The following CAMK2D variants were observed in gnomAD, a reference collection of about 807,000 sequenced individuals.
CAMK2D encodes calcium/calmodulin dependent protein kinase II delta, also known as calcium/calmodulin-dependent protein kinase type II subunit delta.
In CAMK2D, 37 loss-of-function variants were observed where a neutral mutation model predicts 84.0. The ratio of observed to expected loss-of-function variants is 0.44; its 90% CI spans 0.34 to 0.58. The LOEUF is 0.58. Among genes scored for constraint, CAMK2D ranks in the 20% least tolerant of loss-of-function variants. CAMK2D has a pLI of 0.02. For missense variants in CAMK2D, 448 were observed against 652.5 expected (o/e 0.69, Z 3.41); for synonymous variants, 202 against 212.5 (o/e 0.95, Z 0.43).
At chr4:113,494,807 G>A (rs1387387840) in intron 16 of CAMK2D, among the ~76,000 whole-genome samples, 3 of 152,210 alleles carry the variant, frequency 2.0e-5, no homozygotes, top group Non-Finnish European at 4.4e-5. Flanking sequence ...GTGGGCGTAG[G>A]ACCCTCCGAG....
At chr4:113,701,113 G>A (rs1393136305) in intron 2 of CAMK2D, among the ~76,000 whole-genome samples, 4 of 151,968 alleles carry the variant, frequency 2.6e-5, no homozygotes, top group Admixed American at 6.6e-5. Context: ...GTCTTTACTA[G>A]ATTAATTCTT....
chr4:113,571,403 G>T (rs1380769473), intron 4 of CAMK2D, among the ~76,000 whole-genome samples: 1 of 152,144 alleles, frequency 6.6e-6, no homozygotes, highest in East Asian at 1.9e-4. Context: ...CAACAGATGT[G>T]TGGATAAAGA....
chr4:113,477,197 C>T (rs927266463), intron 16 of CAMK2D, among the ~76,000 whole-genome samples: 3 of 152,122 alleles, frequency 2.0e-5, no homozygotes, highest in Admixed American at 6.6e-5. Context: ...CTTCCAATGT[C>T]GTCATGCATT....
At chr4:113,589,695 T>C (rs970870989) in intron 4 of CAMK2D, among the ~76,000 whole-genome samples, 2 of 152,116 alleles carry the variant, frequency 1.3e-5, no homozygotes, top group African/African-American at 4.8e-5. Context: ...CAATTAGACA[T>C]GCAAGTAGAG....
chr4:113,465,896 T>C (rs1005218460), intron 16 of CAMK2D, among the ~76,000 whole-genome samples: 1 of 152,158 alleles, frequency 6.6e-6, no homozygotes, highest in African/African-American at 2.4e-5. Context: ...CACTGCTATT[T>C]TCCATTTGTT....
At chr4:113,608,523 C>T (rs986821612) in intron 4 of CAMK2D, among the ~76,000 whole-genome samples, 2 of 152,082 alleles carry the variant, frequency 1.3e-5, no homozygotes, top group African/African-American at 4.8e-5. Flanking sequence ...GGACTTTGTT[C>T]TGAGGAGTAA....
chr4:113,606,338 C>T (rs1240464970), intron 4 of CAMK2D, among the ~76,000 whole-genome samples: 1 of 151,746 alleles, frequency 6.6e-6, no homozygotes, highest in Non-Finnish European at 1.5e-5. Context: ...GGCATGGTGG[C>T]GCGCGCCTGT....
intron 4 of CAMK2D, among the ~76,000 whole-genome samples, chr4:113,579,612 C>G (rs896432012): frequency 6.6e-6 from 1 of 152,186 alleles, no homozygotes; most frequent in African/African-American, 2.4e-5. Context: ...ACTGCCTGCT[C>G]TCCCTTCACC....
Position 113,537,432 on chromosome 4 carries a change from C to T in CAMK2D, c.426G>A (p.Leu142=), listed in dbSNP as rs2098500980. The T allele has an allele frequency of 6.3e-7, 1 of 1,598,288 alleles. No individual in the cohort carries two copies. The highest frequency in any genetic ancestry group is 1.3e-5 in the African/African-American group (1 of 74,460). Residue 142 remains leucine, a synonymous_variant, in exon 7 of 21, where the codon TTG becomes TTA. Coordinates refer to ENST00000511664, the MANE Select transcript of CAMK2D (RefSeq NM_001321571.2). ...CTCCCTTGGATTTGCTAGCTAAAAG[C>T]AAATTCTCAGGCTTTATTTAGAAAG... ...VVHRDLKPEN[L]LLASKSKGAA...
intron 4 of CAMK2D, among the ~76,000 whole-genome samples, chr4:113,571,365 T>C (rs956418642): frequency 1.3e-5 from 2 of 152,182 alleles, no homozygotes; most frequent in African/African-American, 2.4e-5. Context: ...GCATTAACAA[T>C]AGCCAAGAAA....
At chr4:113,677,540 C>G (rs2099323456) in intron 2 of CAMK2D, 2 of 976,328 alleles carry the variant, frequency 2.0e-6, no homozygotes, top group Admixed American at 1.2e-4. Context: ...CGTCTTACTT[C>G]CGTCAGACAT....
chr4:113,541,219 G>C (rs1420733693), intron 6 of CAMK2D, among the ~76,000 whole-genome samples: 1 of 152,170 alleles, frequency 6.6e-6, no homozygotes, highest in Non-Finnish European at 1.5e-5. Flanking sequence ...TCTACATGAG[G>C]TAGGGAGGCC....
rs917378631 is a variant in CAMK2D, at chr4:113,453,789, TCA to T, written c.*754_*755del. On this transcript the variant is annotated 3_prime_UTR_variant, in exon 21 of 21. Transcript: ENST00000511664. ...AAAGAAACAGGATAAAGAAAAGAGA[TCA>T]CAGATTTGAGAAAGAAAAACAATTC... 1.1e-4 allele frequency: 16 copies of T among 152,370 alleles called. No individual in the cohort carries two copies. Among genetic ancestry groups the T allele is most frequent in the African/African-American group, 3.9e-4 (16 of 41,426 alleles). 9.4% of individuals were successfully genotyped at this position (152,370 alleles called of 1,614,324 possible).
intron 2 of CAMK2D, among the ~76,000 whole-genome samples, chr4:113,746,321 T>C (rs975798196): frequency 6.6e-6 from 1 of 152,214 alleles, no homozygotes; most frequent in African/African-American, 2.4e-5. Flanking sequence ...GTTTTAAAGT[T>C]TGTAGAAGGT....
At chr4:113,730,569 G>C (rs1410638377) in intron 2 of CAMK2D, among the ~76,000 whole-genome samples, 1 of 152,132 alleles carries the variant, frequency 6.6e-6, no homozygotes, top group African/African-American at 2.4e-5. Context: ...TGAATATCAG[G>C]TTCATCAAGG....
chr4:113,735,289 G>GAAAA (rs769117708), intron 2 of CAMK2D, among the ~76,000 whole-genome samples: 30 of 44,714 alleles, frequency 6.7e-4, no homozygotes, highest in African/African-American at 1.1e-3. Context: ...ATCTCTACAG[G>GAAAA]AAAAAAAAAA....
intron 2 of CAMK2D, among the ~76,000 whole-genome samples, chr4:113,735,833 T>C (rs1220924728): frequency 6.6e-6 from 1 of 152,136 alleles, no homozygotes; most frequent in African/African-American, 2.4e-5. Flanking sequence ...TATGTAAATA[T>C]ATTATCACTG....
intron 19 of CAMK2D, chr4:113,456,991 C>A: frequency 4.7e-6 from 1 of 214,504 alleles, no homozygotes; most frequent in Non-Finnish European, 9.2e-6. Context: ...CTATGTTTTC[C>A]TCTGATATCC....
rs543292271 is a variant in CAMK2D, at chr4:113,726,550, T to TTTTGTTTG, written c.160+32762_160+32769dup. 9.9e-5 allele frequency among the ~76,000 whole-genome samples: 15 copies of TTTTGTTTG among 150,928 alleles called. 1 individual carries two copies. The highest frequency in any genetic ancestry group is 2.1e-4 in the South Asian group (1 of 4,760). Reference sequence around the variant, plus strand: ...GCACACATTACCATGCCTGGCTAATTTTTGTTTGTTTGTTTGTTTGTTTGT... The same window carrying TTTTGTTTG: ...GCACACATTACCATGCCTGGCTAATTTTTGTTTGTTTGTTTGTTTGTTTGTTTGTTTGT... On this transcript the variant is annotated intron_variant, in intron 2 of 20. Transcript: ENST00000511664.
Sources: gnomAD v4.1 joint callset for allele counts (sites outside exome capture counted in the v4.1 genomes callset) on GRCh38, gnomAD v4.1.1 for gene constraint, MANE v1.5 for transcripts, NCBI Gene and HGNC (gene_info 2026-07-23, HGNC 2026-07-21) for gene names.